Variants in CPA6 observed in about 807,000 individuals in gnomAD.
CPA6 encodes carboxypeptidase A6.
In CPA6, 58 loss-of-function variants were observed where a neutral mutation model predicts 63.3. That is an observed-to-expected ratio of 0.92 (90% CI 0.74 to 1.14). The LOEUF (loss-of-function observed/expected upper bound fraction) is 1.14, where lower values mean the gene tolerates loss of function less well. Among genes scored for constraint, CPA6 ranks in the 50% most tolerant of loss-of-function variants. The probability of loss-of-function intolerance (pLI) is 0.00; values close to 1 mark genes in which losing one functional copy is unlikely to be tolerated. For synonymous variants in CPA6, 185 were observed against 179.0 expected, an observed-to-expected ratio of 1.03 and a Z score of -0.27; for missense variants, 565 against 526.6, an observed-to-expected ratio of 1.07 and a Z score of -0.71.
intron 2 of CPA6, among the ~76,000 whole-genome samples, chr8:67,570,360 C>T (rs1813456553): frequency 6.6e-6 from 1 of 152,002 alleles, no homozygotes; most frequent in African/African-American, 2.4e-5. Context: ...AATAATAACG[C>T]TAAACATATG....
At chr8:67,552,506 G>T (rs112883926) in intron 2 of CPA6, among the ~76,000 whole-genome samples, 1 of 152,068 alleles carries the variant, frequency 6.6e-6, no homozygotes, top group African/African-American at 2.4e-5. Flanking sequence ...GGGCACGGTG[G>T]CTCATGCCTG....
At chr8:67,497,241 G>C (rs1001882342) in intron 6 of CPA6, among the ~76,000 whole-genome samples, 5 of 152,132 alleles carry the variant, frequency 3.3e-5, no homozygotes, top group African/African-American at 1.2e-4. Context: ...AAAGAACCTG[G>C]TAGTTGTTAG....
chr8:67,465,604 C>T (rs899479837), intron 8 of CPA6, among the ~76,000 whole-genome samples: 1 of 151,984 alleles, frequency 6.6e-6, no homozygotes, highest in African/African-American at 2.4e-5. Flanking sequence ...TAGTTTTTCC[C>T]GTTCAGTATG....
chr8:67,722,570 T>A (rs554739776), intron 1 of CPA6, among the ~76,000 whole-genome samples: 1 of 152,290 alleles, frequency 6.6e-6, no homozygotes, highest in South Asian at 2.1e-4. Flanking sequence ...ATGAAAAGAA[T>A]GATGGTCCTT....
chr8:67,706,497 A>G (rs549634258), intron 1 of CPA6, among the ~76,000 whole-genome samples: 4 of 152,152 alleles, frequency 2.6e-5, no homozygotes, highest in Admixed American at 2.6e-4. Context: ...AGAAATGGGA[A>G]TGTGGATTTT....
At chr8:67,515,906 G>C (rs1587511678) in intron 3 of CPA6, among the ~76,000 whole-genome samples, 1 of 152,202 alleles carries the variant, frequency 6.6e-6, no homozygotes, top group East Asian at 1.9e-4. Context: ...GTTTTCCTCA[G>C]TAACTCTACA....
rs139666566 is a variant in CPA6 at position 67,532,599 on chromosome 8, G to A, written c.193-14552C>T. Among the ~76,000 whole-genome samples, 1,354 of 152,124 alleles carry A rather than the reference G, an allele frequency of 8.9e-3. 22 individuals are homozygous for A. Among genetic ancestry groups the A allele is most frequent in the African/African-American group, 0.031 (1,269 of 41,494 alleles). On this transcript the variant is annotated intron_variant, in intron 2 of 10. Coordinates refer to ENST00000297770, the MANE Select transcript of CPA6 (RefSeq NM_020361.5). The stretch of plus-strand genomic sequence containing the variant: ...TGGGAGGCTGAGAGGTGGGAGGATC[G>A]CTTGTCTCTGGGAGTTCAAGGCTGC...
intron 2 of CPA6, among the ~76,000 whole-genome samples, chr8:67,616,951 C>T (rs554657057): frequency 1.3e-5 from 2 of 152,306 alleles, no homozygotes; most frequent in East Asian, 3.9e-4. Flanking sequence ...CTATAAAAGA[C>T]TGTGCTAGAC....
intron 1 of CPA6, among the ~76,000 whole-genome samples, chr8:67,632,181 TG>T (rs1563369582): frequency 3.4e-5 from 5 of 147,074 alleles, no homozygotes; most frequent in African/African-American, 1.3e-4. Context: ...TGTGTGTGTG[TG>T]TTTTCTCAGA....
chr8:67,520,405 C>G (rs1812235338), intron 2 of CPA6, among the ~76,000 whole-genome samples: 1 of 151,990 alleles, frequency 6.6e-6, no homozygotes, highest in African/African-American at 2.4e-5. Flanking sequence ...AGCTGTTGGC[C>G]TAAAGGACAA....
chr8:67,685,044 T>C (rs183797988), intron 1 of CPA6, among the ~76,000 whole-genome samples: 2 of 152,282 alleles, frequency 1.3e-5, no homozygotes, highest in Admixed American at 1.3e-4. Context: ...CAAGGCTTCA[T>C]TGCAGTAGTC....
intron 8 of CPA6, among the ~76,000 whole-genome samples, chr8:67,474,012 C>T (rs185573006): frequency 2.0e-4 from 30 of 152,192 alleles, no homozygotes; most frequent in Admixed American, 1.8e-3. Flanking sequence ...GGAGCACATT[C>T]AGAGGACAGC....
chr8:67,695,555 T>C (rs1816898530), intron 1 of CPA6, among the ~76,000 whole-genome samples: 1 of 152,222 alleles, frequency 6.6e-6, no homozygotes, highest in Admixed American at 6.5e-5. Context: ...ACTGCCATGA[T>C]ATTCTACACA....
Position 67,585,834 on chromosome 8 carries a change from A to G in CPA6, c.192+38342T>C, listed in dbSNP as rs139281332. 4.2e-3 allele frequency among the ~76,000 whole-genome samples: 632 copies of G among 152,250 alleles called. 2 individuals carry two copies. The highest frequency in any genetic ancestry group is 0.014 in the African/African-American group (590 of 41,534). ...GGAGAGTGAGGCCATAGTCACAAAG[A>G]GTTCTTCTACTAGATTAATGGTAGG... On this transcript the variant is annotated intron_variant, in intron 2 of 10. Transcript: ENST00000297770.
chr8:67,427,241 T>C (rs1809910027), intron 10 of CPA6, among the ~76,000 whole-genome samples: 1 of 152,210 alleles, frequency 6.6e-6, no homozygotes, highest in African/African-American at 2.4e-5. Context: ...TGGTTTTACA[T>C]ACCCCCTATT....
chr8:67,724,874 C>T (rs1357112591), intron 1 of CPA6, among the ~76,000 whole-genome samples: 1 of 152,224 alleles, frequency 6.6e-6, no homozygotes, highest in Non-Finnish European at 1.5e-5. Flanking sequence ...TTAAGGATAA[C>T]ATCTTCAGGA....
chr8:67,700,515 T>G (rs112931790), intron 1 of CPA6, among the ~76,000 whole-genome samples: 2 of 151,892 alleles, frequency 1.3e-5, no homozygotes, highest in Non-Finnish European at 2.9e-5. Flanking sequence ...TTTGGTATTT[T>G]GGGGAGACAA....
chr8:67,741,052 C>T (rs1587743230), intron 1 of CPA6, among the ~76,000 whole-genome samples: 1 of 152,128 alleles, frequency 6.6e-6, no homozygotes, highest in Non-Finnish European at 1.5e-5. Flanking sequence ...CAGCCCTGCT[C>T]ATACCTATGG....
At chr8:67,647,623 C>T (rs1455371725) in intron 1 of CPA6, among the ~76,000 whole-genome samples, 1 of 152,172 alleles carries the variant, frequency 6.6e-6, no homozygotes, top group African/African-American at 2.4e-5. Flanking sequence ...AATTGTCTCC[C>T]AAAGAATGTA....
Sources: allele counts gnomAD v4.1 joint callset (sites outside exome capture counted in the v4.1 genomes callset), GRCh38; gene constraint gnomAD v4.1.1; transcripts MANE v1.5; gene names NCBI Gene and HGNC (gene_info 2026-07-23, HGNC 2026-07-21).